RPA3: variants seen among roughly 807,000 people sequenced by gnomAD.
The protein encoded by RPA3 is replication protein A 14 kDa subunit.
In RPA3, 24 loss-of-function variants were observed where a neutral mutation model predicts 13.7. The observed-to-expected ratio is 1.75, with a 90% CI of 1.27 to 2.46. The LOEUF (loss-of-function observed/expected upper bound fraction) is 2.46, where lower values mean the gene tolerates loss of function less well. Among genes scored for constraint, RPA3 ranks in the 30% most tolerant of loss-of-function variants. The pLI is 0.00. For missense variants in RPA3, 183 were observed against 151.0 expected (o/e 1.21, Z -1.11); for synonymous variants, 59 against 51.2 (o/e 1.15, Z -0.65).
intron 2 of RPA3, among the ~76,000 whole-genome samples, chr7:7,691,807 C>T (rs1780178542): frequency 6.6e-6 from 1 of 152,130 alleles, no homozygotes; most frequent in Admixed American, 6.6e-5. Context: ...GGAGTTCTTT[C>T]TCAGGAGGGA....
At chr7:7,683,245 A>G (rs916518974) in intron 4 of RPA3, among the ~76,000 whole-genome samples, 1 of 152,156 alleles carries the variant, frequency 6.6e-6, no homozygotes, top group Non-Finnish European at 1.5e-5. Context: ...CCTTCTGTGC[A>G]TTAGGGGATA....
At chr7:7,658,684 T>C (rs1785402845) in intron 4 of RPA3, among the ~76,000 whole-genome samples, 1 of 152,242 alleles carries the variant, frequency 6.6e-6, no homozygotes. Flanking sequence ...GTGGATAAGC[T>C]ATTTGATGTG....
intron 4 of RPA3, among the ~76,000 whole-genome samples, chr7:7,665,211 G>A (rs939840294): frequency 3.9e-5 from 6 of 152,120 alleles, no homozygotes; most frequent in South Asian, 2.1e-4. Context: ...ACTTAAAAGG[G>A]AAGCCTTGGA....
At position 7,673,334 on chromosome 7, in the gene RPA3, C is replaced by T. The variant is rs902645786; in HGVS notation, c.-758+12496G>A. 14 of 1,216,188 alleles carry T rather than the reference C, an allele frequency of 1.2e-5. No homozygotes were observed. In the East Asian group the frequency reaches 3.3e-4, roughly 29 times the overall value. The allele number at this position is 1,216,188 out of a possible 1,614,324, so 75.3% of individuals were successfully genotyped here. ...GTAGCAGCAGCAGCAGCAGCAGCAG[C>T]AGCAGCAGCAGCAGCAGCAGCAGCA... is the stretch of plus-strand genomic sequence containing the variant. On this transcript the variant is annotated intron_variant, in intron 4 of 7. Transcript: ENST00000223129.
intron 2 of RPA3, among the ~76,000 whole-genome samples, chr7:7,711,110 G>A (rs965436333): frequency 9.9e-5 from 15 of 152,202 alleles, no homozygotes; most frequent in African/African-American, 3.4e-4. Context: ...TTATGGAGAT[G>A]TTCTGTATCT....
chr7:7,687,065 G>A (rs549150586), intron 3 of RPA3, among the ~76,000 whole-genome samples, 163 bp downstream of exon 3: 1 of 152,278 alleles, frequency 6.6e-6, no homozygotes, highest in African/African-American at 2.4e-5. Flanking sequence ...CTTCCTTTAT[G>A]TGAGACACAA....
chr7:7,666,136 T>C (rs1036554543), intron 4 of RPA3, among the ~76,000 whole-genome samples: 2 of 152,156 alleles, frequency 1.3e-5, no homozygotes, highest in Non-Finnish European at 2.9e-5. Flanking sequence ...GTACAAGAGT[T>C]CCAGTTGCTC....
At chr7:7,640,188 T>C in intron 5 of RPA3, 132 bp downstream of exon 5, 3 of 955,740 alleles carry the variant, frequency 3.1e-6, no homozygotes, top group Non-Finnish European at 4.9e-6. Flanking sequence ...TCCAAAAAGT[T>C]CCTTGTGCAA....
chr7:7,660,587 C>G (rs1003869068), intron 4 of RPA3, among the ~76,000 whole-genome samples: 1 of 152,296 alleles, frequency 6.6e-6, no homozygotes, highest in Admixed American at 6.5e-5. Context: ...ATATGAAATT[C>G]TGTGTTGAAA....
chr7:7,701,064 A>G (rs1184672952), intron 2 of RPA3, among the ~76,000 whole-genome samples: 2 of 152,082 alleles, frequency 1.3e-5, no homozygotes. Flanking sequence ...GAAAAAGAAA[A>G]AGTCATACAA....
At chr7:7,716,637 A>T (rs888962073) in intron 1 of RPA3, among the ~76,000 whole-genome samples, 1 of 152,242 alleles carries the variant, frequency 6.6e-6, no homozygotes, top group African/African-American at 2.4e-5. Flanking sequence ...CCATCTGCCT[A>T]GTAAAAGATT....
chr7:7,659,937 A>C (rs62452512), intron 4 of RPA3, among the ~76,000 whole-genome samples: 8,895 of 152,258 alleles, frequency 0.058, 338 homozygotes, highest in Middle Eastern at 0.13. Context: ...TTGGAGTCTA[A>C]GTCTCTTTGT....
intron 4 of RPA3, among the ~76,000 whole-genome samples, chr7:7,667,129 C>G (rs1677449261): frequency 6.6e-6 from 1 of 152,176 alleles, no homozygotes; most frequent in Admixed American, 6.5e-5. Flanking sequence ...TTCTTTATCC[C>G]CCACCTGTAT....
chr7:7,646,734 G>A (rs1583689226), intron 4 of RPA3, among the ~76,000 whole-genome samples: 1 of 151,954 alleles, frequency 6.6e-6, no homozygotes, highest in Non-Finnish European at 1.5e-5. Context: ...GCTGTCCCAT[G>A]GCCAATCTCC....
At chr7:7,661,549 C>G (rs892623513) in intron 4 of RPA3, among the ~76,000 whole-genome samples, 8 of 152,136 alleles carry the variant, frequency 5.3e-5, no homozygotes, top group African/African-American at 1.9e-4. Context: ...GTTAGTTTTC[C>G]TTCTGACAGG....
intron 2 of RPA3, among the ~76,000 whole-genome samples, chr7:7,714,080 GTGT>G (rs1399537225): frequency 6.6e-6 from 1 of 152,180 alleles, no homozygotes; most frequent in Non-Finnish European, 1.5e-5. Flanking sequence ...GTTTTTTTGT[GTGT>G]TATCTTTTTG....
intron 4 of RPA3, among the ~76,000 whole-genome samples, chr7:7,661,334 C>A (rs1785469641): frequency 6.6e-6 from 1 of 151,650 alleles, no homozygotes; most frequent in Non-Finnish European, 1.5e-5. Flanking sequence ...GTCAAACTCA[C>A]CATTTTTGTT....
At chr7:7,710,373 A>T (rs1780724514) in intron 2 of RPA3, among the ~76,000 whole-genome samples, 2 of 152,210 alleles carry the variant, frequency 1.3e-5, no homozygotes, top group South Asian at 4.1e-4. Context: ...AACAAAAAAC[A>T]AAAAAACATA....
At chr7:7,693,981 G>T (rs187635265) in intron 2 of RPA3, among the ~76,000 whole-genome samples, 45 of 152,216 alleles carry the variant, frequency 3.0e-4, no homozygotes, top group African/African-American at 9.6e-4. Flanking sequence ...ATTATTGTCA[G>T]TTGTTCTGGA....
Sources: allele counts gnomAD v4.1 joint callset (sites outside exome capture counted in the v4.1 genomes callset), GRCh38; gene constraint gnomAD v4.1.1; transcripts MANE v1.5; gene names NCBI Gene and HGNC (gene_info 2026-07-23, HGNC 2026-07-21).